Variants in MBOAT1 observed in about 807,000 individuals in gnomAD.
The protein encoded by MBOAT1 is membrane-bound glycerophospholipid O-acyltransferase 1.
In MBOAT1, 67 loss-of-function variants were observed where a neutral mutation model predicts 64.4. The observed-to-expected ratio is 1.04, with a 90% CI of 0.85 to 1.27. MBOAT1 has a LOEUF of 1.27. Among genes scored for constraint, MBOAT1 ranks in the 50% most tolerant of loss-of-function variants. The pLI is 0.00. For missense variants in MBOAT1, 563 were observed against 604.6 expected (o/e 0.93, Z 0.72); for synonymous variants, 229 against 218.9 (o/e 1.05, Z -0.41).
At chr6:20,184,604 C>T (rs370181408) in intron 1 of MBOAT1, among the ~76,000 whole-genome samples, 11 of 152,216 alleles carry the variant, frequency 7.2e-5, no homozygotes, top group East Asian at 3.9e-4. Context: ...AACCATCCTC[C>T]GCCAAATGAA....
intron 3 of MBOAT1, among the ~76,000 whole-genome samples, chr6:20,149,421 TGTGCTATACA>T (rs1188166149): frequency 2.0e-5 from 3 of 152,198 alleles, no homozygotes; most frequent in African/African-American, 7.2e-5. Flanking sequence ...AAGTTGGGAA[TGTGCTATACA>T]GTTGCACCAA....
chr6:20,196,862 CAAAAA>C (rs58418526), intron 1 of MBOAT1, among the ~76,000 whole-genome samples: 25 of 146,016 alleles, frequency 1.7e-4, no homozygotes, highest in Non-Finnish European at 2.6e-4. Flanking sequence ...AACTCCATCT[CAAAAA>C]AAAAAACAAA....
intron 11 of MBOAT1, 90 bp downstream of exon 11, chr6:20,112,786 A>C: frequency 7.1e-7 from 1 of 1,408,992 alleles, no homozygotes; most frequent in Non-Finnish European, 9.6e-7. Context: ...TTCACATCCC[A>C]CCCCCAACCC....
intron 1 of MBOAT1, among the ~76,000 whole-genome samples, chr6:20,196,832 A>C (rs1201817649): frequency 3.3e-5 from 5 of 151,306 alleles, no homozygotes; most frequent in Non-Finnish European, 7.4e-5. Context: ...TTTGCACTCC[A>C]GCCTGGGCAA....
intron 4 of MBOAT1, among the ~76,000 whole-genome samples, chr6:20,143,627 G>A (rs1190623135): frequency 6.6e-6 from 1 of 152,190 alleles, no homozygotes; most frequent in Admixed American, 6.5e-5. Context: ...GGAGGAGGGA[G>A]AGGATCAGGA....
intron 1 of MBOAT1, among the ~76,000 whole-genome samples, chr6:20,187,047 T>C (rs1762674954): frequency 6.6e-6 from 1 of 152,240 alleles, no homozygotes; most frequent in South Asian, 2.1e-4. Context: ...CATCTTTGAC[T>C]ACCATGACTT....
At chr6:20,122,728 T>C (rs1357456427) in intron 8 of MBOAT1, among the ~76,000 whole-genome samples, 5 of 152,120 alleles carry the variant, frequency 3.3e-5, no homozygotes, top group African/African-American at 1.2e-4. Flanking sequence ...AGATAGACGG[T>C]GGTGATAGTG....
chr6:20,211,219 TAAAAGGAAAGG>T (rs942495192), intron 1 of MBOAT1, among the ~76,000 whole-genome samples: 6 of 151,976 alleles, frequency 3.9e-5, no homozygotes, highest in African/African-American at 1.5e-4. Flanking sequence ...GTGCTCTTGT[TAAAAGGAAAGG>T]AAAAGGAGCA....
chr6:20,152,570 T>C, intron 2 of MBOAT1, 54 bp downstream of exon 2: 20 of 1,554,794 alleles, frequency 1.3e-5, no homozygotes, highest in East Asian at 2.4e-5. Context: ...TCCAAGGACA[T>C]TGCCACAAAA....
intron 11 of MBOAT1, among the ~76,000 whole-genome samples, chr6:20,111,823 TAC>T (rs1389143276): frequency 0.015 from 1,970 of 129,742 alleles, 71 homozygotes; most frequent in Non-Finnish European, 0.022. Context: ...TACATATATA[TAC>T]ATATATATAC....
chr6:20,179,142 A>G (rs1325693801), intron 1 of MBOAT1, among the ~76,000 whole-genome samples: 5 of 149,652 alleles, frequency 3.3e-5, no homozygotes, highest in Admixed American at 6.7e-5. Context: ...GCATGCTTCA[A>G]GTCTACTATC....
chr6:20,138,292 A>AT (rs1045647916), intron 4 of MBOAT1, among the ~76,000 whole-genome samples: 3 of 152,040 alleles, frequency 2.0e-5, no homozygotes, highest in African/African-American at 4.8e-5. Context: ...TTTCAGGCGG[A>AT]TTTTTTTTCT....
At position 20,137,471 on chromosome 6, in the gene MBOAT1, G is replaced by A. The variant is rs1761031408; in HGVS notation, c.420-6272C>T. ...CAAGCAATCATTGAGCTTCCCCCAG[G>A]AGAACAGGAAATATTCTAGTGCTTT... On this transcript the variant is annotated intron_variant, in intron 4 of 12. Transcript: ENST00000324607. Among the ~76,000 whole-genome samples, 4 of 150,654 alleles carry A rather than the reference G, an allele frequency of 2.7e-5. No individual in the cohort carries two copies. In the South Asian group the frequency reaches 8.5e-4, roughly 32 times the overall value.
At chr6:20,177,082 C>T (rs1228001761) in intron 1 of MBOAT1, among the ~76,000 whole-genome samples, 2 of 152,220 alleles carry the variant, frequency 1.3e-5, no homozygotes, top group Non-Finnish European at 2.9e-5. Flanking sequence ...TCAAGAATGT[C>T]CTGCCTACAG....
intron 1 of MBOAT1, among the ~76,000 whole-genome samples, chr6:20,200,293 C>A (rs1186332017): frequency 2.0e-5 from 3 of 152,180 alleles, no homozygotes; most frequent in East Asian, 3.9e-4. Flanking sequence ...CAGGTACGAT[C>A]TTTTTAGCTA....
At chr6:20,165,779 T>C (rs1762000912) in intron 1 of MBOAT1, among the ~76,000 whole-genome samples, 1 of 149,962 alleles carries the variant, frequency 6.7e-6, no homozygotes, top group East Asian at 1.9e-4. Flanking sequence ...CCAGTTTGGT[T>C]AGAATAGGTA....
chr6:20,115,380 T>G (rs76188572), intron 9 of MBOAT1, 28 bp from the exon 10 acceptor site: 1 of 1,582,084 alleles, frequency 6.3e-7, no homozygotes, highest in Non-Finnish European at 8.7e-7. Flanking sequence ...ACACCTATCA[T>G]TAGCTTTAAA....
intron 1 of MBOAT1, among the ~76,000 whole-genome samples, chr6:20,168,640 A>AGAGGAGAGGAGAGGAGAGGAGAG (rs1762096764): frequency 3.5e-4 from 19 of 53,566 alleles, no homozygotes; most frequent in Non-Finnish European, 5.2e-4. Context: ...AGAGAAGAGA[A>AGAGGAGAGGAGAGGAGAGGAGAG]GAGAGGAGAG....
intron 3 of MBOAT1, among the ~76,000 whole-genome samples, chr6:20,150,033 G>A (rs1422686636): frequency 6.6e-6 from 1 of 152,150 alleles, no homozygotes; most frequent in Admixed American, 6.5e-5. Flanking sequence ...GAGAGAGAGA[G>A]AAATCTTTGT....
Sources: gnomAD v4.1 joint callset for allele counts (sites outside exome capture counted in the v4.1 genomes callset) on GRCh38, gnomAD v4.1.1 for gene constraint, MANE v1.5 for transcripts, NCBI Gene and HGNC (gene_info 2026-07-23, HGNC 2026-07-21) for gene names.